Variants in ZRANB3 observed in about 807,000 individuals in gnomAD.
The protein encoded by ZRANB3 is DNA annealing helicase and endonuclease ZRANB3.
In ZRANB3, 125 loss-of-function variants were observed where a neutral mutation model predicts 133.8. The ratio of observed to expected loss-of-function variants is 0.93; its 90% confidence interval spans 0.81 to 1.08. The LOEUF (loss-of-function observed/expected upper bound fraction) is 1.08. Ranked by LOEUF, ZRANB3 falls within the 50% of genes least tolerant of loss-of-function variation. The pLI is 0.00. For synonymous variants in ZRANB3, 387 were observed against 432.7 expected (o/e 0.89, Z 1.31); for missense variants, 1,229 against 1,275.5 (o/e 0.96, Z 0.56).
intron 2 of ZRANB3, among the ~76,000 whole-genome samples, chr2:135,482,028 A>G (rs1691841768): frequency 1.5e-5 from 2 of 136,702 alleles, no homozygotes; most frequent in South Asian, 2.4e-4. Flanking sequence ...GCCTTGTAGT[A>G]TAGTTTGAAG....
chr2:135,279,625 C>T (rs1405117567), intron 8 of ZRANB3, among the ~76,000 whole-genome samples: 1 of 152,134 alleles, frequency 6.6e-6, no homozygotes, highest in Non-Finnish European at 1.5e-5. Context: ...TGGATTCCCC[C>T]TCCTCTTCCC....
At chr2:135,524,171 G>C (rs1694057538) in intron 1 of ZRANB3, among the ~76,000 whole-genome samples, 1 of 151,526 alleles carries the variant, frequency 6.6e-6, no homozygotes, top group Non-Finnish European at 1.5e-5. Flanking sequence ...ACTGCAACCT[G>C]GGCCTCCCGG....
At chr2:135,393,757 T>C (rs933946038) in intron 2 of ZRANB3, among the ~76,000 whole-genome samples, 1 of 152,114 alleles carries the variant, frequency 6.6e-6, no homozygotes, top group Non-Finnish European at 1.5e-5. Context: ...CAATTATCCA[T>C]AAAGAGAAAA....
chr2:135,283,372 A>G (rs927444830), intron 8 of ZRANB3, among the ~76,000 whole-genome samples: 1 of 152,144 alleles, frequency 6.6e-6, no homozygotes. Context: ...GCACTTTGGG[A>G]GGCTGAGGCA....
intron 2 of ZRANB3, among the ~76,000 whole-genome samples, chr2:135,415,817 A>G (rs1011442894): frequency 7.9e-5 from 12 of 152,320 alleles, no homozygotes; most frequent in Admixed American, 2.6e-4. Context: ...ACAAATCAAT[A>G]AATGTAATCC....
At chr2:135,527,589 T>G (rs1473969658) in intron 1 of ZRANB3, among the ~76,000 whole-genome samples, 1 of 152,118 alleles carries the variant, frequency 6.6e-6, no homozygotes, top group Non-Finnish European at 1.5e-5. Flanking sequence ...GATGATATAT[T>G]GTGTTATGCG....
chr2:135,293,174 A>G (rs1165215728), intron 8 of ZRANB3, among the ~76,000 whole-genome samples: 2 of 152,178 alleles, frequency 1.3e-5, no homozygotes, highest in African/African-American at 4.8e-5. Flanking sequence ...GAATCTATAA[A>G]TTACCTTGGG....
At chr2:135,246,026 CTTTT>C (rs1290306365) in intron 12 of ZRANB3, among the ~76,000 whole-genome samples, 1 of 122,766 alleles carries the variant, frequency 8.1e-6, no homozygotes, top group Non-Finnish European at 1.7e-5. Context: ...CTTTTCTTTT[CTTTT>C]CTTTCTTTCT....
chr2:135,370,119 G>A (rs1187302061), intron 3 of ZRANB3, among the ~76,000 whole-genome samples: 1 of 150,334 alleles, frequency 6.7e-6, no homozygotes, highest in East Asian at 2.0e-4. Flanking sequence ...TGTTTTGAGG[G>A]ACGTGGCTTA....
chr2:135,353,219 C>T (rs370459457), intron 4 of ZRANB3: 14 of 240,000 alleles, frequency 5.8e-5, no homozygotes, highest in Admixed American at 2.1e-4. Context: ...TAAAAGTATA[C>T]GTATTTTACA....
chr2:135,222,229 C>A (rs545373601), intron 15 of ZRANB3, among the ~76,000 whole-genome samples: 2 of 151,582 alleles, frequency 1.3e-5, no homozygotes, highest in African/African-American at 4.8e-5. Context: ...ACAGTGGAAC[C>A]CTGTCTCTAC....
chr2:135,306,242 T>C (rs867572361), intron 8 of ZRANB3, among the ~76,000 whole-genome samples: 8 of 152,134 alleles, frequency 5.3e-5, no homozygotes, highest in Non-Finnish European at 8.8e-5. Flanking sequence ...TGGTATTCCA[T>C]AGGCTTTCCC....
chr2:135,339,601 T>C (rs578194012), intron 6 of ZRANB3, among the ~76,000 whole-genome samples: 5 of 152,294 alleles, frequency 3.3e-5, no homozygotes, highest in East Asian at 3.9e-4. Flanking sequence ...CCAAAACAGA[T>C]GGTATAGCCA....
At chr2:135,239,073 T>C (rs866609282) in intron 12 of ZRANB3, among the ~76,000 whole-genome samples, 20 of 152,204 alleles carry the variant, frequency 1.3e-4, no homozygotes, top group Admixed American at 3.3e-4. Flanking sequence ...AGCAATTTGT[T>C]ATGCAGTAAT....
At chr2:135,369,823 T>C (rs1686091922) in intron 3 of ZRANB3, among the ~76,000 whole-genome samples, 1 of 152,136 alleles carries the variant, frequency 6.6e-6, no homozygotes, top group African/African-American at 2.4e-5. Context: ...TTTCTACTTA[T>C]TTCTTTTACA....
In ZRANB3 at chr2:135,245,949, G is replaced by A. The variant is rs867565263; in HGVS notation, c.1540-15022C>T. On this transcript the variant is annotated intron_variant, in intron 12 of 20. Coordinates refer to ENST00000264159, the MANE Select transcript of ZRANB3 (RefSeq NM_032143.4). ...CTCAAAAAAAAAAAAAAAAAAAAAA[G>A]AGACAGGGTTTCACCATGATAAACA... 7.2e-3 allele frequency among the ~76,000 whole-genome samples: 553 copies of A among 76,748 alleles called. 10 individuals are homozygous for A. Among genetic ancestry groups the A allele is most frequent in the African/African-American group, 0.033 (461 of 13,944 alleles). 50.3% of individuals were successfully genotyped at this position (76,748 alleles called of 152,430 possible).
intron 12 of ZRANB3, among the ~76,000 whole-genome samples, chr2:135,236,935 T>C (rs1301950791): frequency 5.3e-5 from 8 of 152,082 alleles, no homozygotes; most frequent in Middle Eastern, 6.8e-3. Flanking sequence ...CCAAAATTGA[T>C]AAATGGGATC....
At chr2:135,408,201 G>A (rs1342246916) in intron 2 of ZRANB3, among the ~76,000 whole-genome samples, 4 of 152,108 alleles carry the variant, frequency 2.6e-5, no homozygotes, top group South Asian at 2.1e-4. Flanking sequence ...AGACGTTTAT[G>A]CAGCCAAAAG....
intron 2 of ZRANB3, among the ~76,000 whole-genome samples, chr2:135,417,711 C>G (rs559281315): frequency 2.6e-5 from 4 of 152,106 alleles, no homozygotes; most frequent in African/African-American, 4.8e-5. Flanking sequence ...GGAACCAACC[C>G]AAATGTCCAA....
Sources: gnomAD v4.1 joint callset for allele counts (sites outside exome capture counted in the v4.1 genomes callset) on GRCh38, gnomAD v4.1.1 for gene constraint, MANE v1.5 for transcripts, NCBI Gene and HGNC (gene_info 2026-07-23, HGNC 2026-07-21) for gene names.